The following CABLES1 variants were observed in gnomAD, a reference collection of about 807,000 sequenced individuals.
CABLES1 encodes CDK5 and ABL1 enzyme substrate 1.
In CABLES1, 36 loss-of-function variants were observed where a neutral mutation model predicts 57.8. That is an observed-to-expected ratio of 0.62 (90% CI 0.48 to 0.82). The LOEUF (loss-of-function observed/expected upper bound fraction) is 0.82. CABLES1 is among the 40% of genes least tolerant of loss of function. CABLES1 has a pLI of 0.00. For synonymous variants in CABLES1, 374 were observed against 363.0 expected, an observed-to-expected ratio of 1.03 and a Z score of -0.35; for missense variants, 767 against 836.6, an observed-to-expected ratio of 0.92 and a Z score of 1.03.
At chr18:23,203,679 C>T (rs190285819) in intron 3 of CABLES1, among the ~76,000 whole-genome samples, 17 of 152,222 alleles carry the variant, frequency 1.1e-4, no homozygotes, top group Non-Finnish European at 2.2e-4. Context: ...GTTTGAAAAA[C>T]GACTTGGAGG....
intron 1 of CABLES1, among the ~76,000 whole-genome samples, chr18:23,179,149 T>C (rs1391520742): frequency 1.3e-5 from 2 of 151,922 alleles, no homozygotes; most frequent in Non-Finnish European, 2.9e-5. Context: ...AGTCGGGTAT[T>C]GTGGCGGGTC....
At chr18:23,206,638 C>T (rs1309345038) in intron 3 of CABLES1, among the ~76,000 whole-genome samples, 2 of 152,190 alleles carry the variant, frequency 1.3e-5, no homozygotes, top group African/African-American at 4.8e-5. Context: ...AATCTAAGTG[C>T]AAAATCTGTT....
At chr18:23,168,615 T>C (rs2047059916) in intron 1 of CABLES1, among the ~76,000 whole-genome samples, 1 of 152,216 alleles carries the variant, frequency 6.6e-6, no homozygotes, top group African/African-American at 2.4e-5. Context: ...ATTTATGCTA[T>C]GTATCTTTTA....
At position 23,188,000 on chromosome 18, in the gene CABLES1, G is replaced by A. The variant is rs114832483; in HGVS notation, c.846-838G>A. Among the ~76,000 whole-genome samples, 1,419 of 152,240 alleles carry A rather than the reference G, an allele frequency of 9.3e-3. 20 individuals carry two copies. Among genetic ancestry groups the A allele is most frequent in the African/African-American group, 0.033 (1,360 of 41,546 alleles). On this transcript the variant is annotated intron_variant, in intron 1 of 9. Transcript: ENST00000256925. ...GACTTATCTTAATATTTTTAGTTCCGTTTTAAGGAACAACCCAAACTTTTT... is the reference window on the plus strand; with the variant it reads ...GACTTATCTTAATATTTTTAGTTCCATTTTAAGGAACAACCCAAACTTTTT...
chr18:23,253,691 T>TA lies in CABLES1; in HGVS notation c.1554-38_1554-37insA, dbSNP rs775246349. 8 of 1,573,748 alleles carry TA rather than the reference T, an allele frequency of 5.1e-6. 1 individual carries two copies. In the South Asian group the frequency reaches 9.1e-5, roughly 18 times the overall value. On this transcript the variant is annotated intron_variant, in intron 8 of 9. Transcript: ENST00000256925. ...TTTTCTGTCCACTGAAACTCTAAGT[T>TA]TTCACAAGACTGTTCCCTCTTGCCT...
intron 7 of CABLES1, among the ~76,000 whole-genome samples, chr18:23,251,150 T>G (rs952864022): frequency 6.6e-6 from 1 of 152,182 alleles, no homozygotes; most frequent in East Asian, 1.9e-4. Context: ...GAGCTTTGAC[T>G]GATTAAGATT....
intron 1 of CABLES1, among the ~76,000 whole-genome samples, chr18:23,151,616 A>G (rs2046931327): frequency 6.6e-6 from 1 of 152,098 alleles, no homozygotes; most frequent in South Asian, 2.1e-4. Flanking sequence ...GCCTGGGGTG[A>G]GTCACAGAGC....
At chr18:23,233,621 G>A (rs769653721) in intron 4 of CABLES1, among the ~76,000 whole-genome samples, 1 of 152,288 alleles carries the variant, frequency 6.6e-6, no homozygotes. Flanking sequence ...GCCAAGACGG[G>A]AGGATGGCTT....
chr18:23,205,067 C>A (rs531859645), intron 3 of CABLES1, among the ~76,000 whole-genome samples: 1 of 151,804 alleles, frequency 6.6e-6, no homozygotes, highest in Non-Finnish European at 1.5e-5. Context: ...GAGAAGAAAA[C>A]AGTAATTATA....
At chr18:23,247,444 C>T (rs543027670) in intron 7 of CABLES1, among the ~76,000 whole-genome samples, 25 of 152,322 alleles carry the variant, frequency 1.6e-4, no homozygotes, top group African/African-American at 6.0e-4. Context: ...TGTGCTGGGC[C>T]CCTTCCAAGC....
chr18:23,154,349 T>C (rs1598801585), intron 1 of CABLES1, among the ~76,000 whole-genome samples: 1 of 152,200 alleles, frequency 6.6e-6, no homozygotes, highest in South Asian at 2.1e-4. Flanking sequence ...GCAGCAGTTA[T>C]GTCTTTCTCC....
intron 9 of CABLES1, among the ~76,000 whole-genome samples, chr18:23,254,887 A>AT (rs1196284406): frequency 6.6e-6 from 1 of 152,184 alleles, no homozygotes; most frequent in Non-Finnish European, 1.5e-5. Flanking sequence ...GGACACAAAC[A>AT]TTCAGCCCAT....
chr18:23,256,094 A>G (rs1029228576), intron 9 of CABLES1, among the ~76,000 whole-genome samples: 1 of 152,204 alleles, frequency 6.6e-6, no homozygotes, highest in Non-Finnish European at 1.5e-5. Context: ...TACGGTAGCA[A>G]GAAACCTAAC....
intron 1 of CABLES1, among the ~76,000 whole-genome samples, chr18:23,181,496 CAAAAA>C (rs59742943): frequency 0.091 from 3,182 of 34,980 alleles, 56 homozygotes; most frequent in Admixed American, 0.29. Flanking sequence ...AGCTTCGTCT[CAAAAA>C]AAAAAAAAAA....
At chr18:23,182,908 C>T (rs2047177487) in intron 1 of CABLES1, among the ~76,000 whole-genome samples, 1 of 152,234 alleles carries the variant, frequency 6.6e-6, no homozygotes, top group Non-Finnish European at 1.5e-5. Flanking sequence ...GCGCTTTCTT[C>T]AGGGCACTCT....
chr18:23,230,819 A>G (rs541500956), intron 4 of CABLES1, among the ~76,000 whole-genome samples: 1 of 152,296 alleles, frequency 6.6e-6, no homozygotes, highest in East Asian at 1.9e-4. Flanking sequence ...TGTAATGCCT[A>G]GGATTTGGGG....
chr18:23,142,481 A>G (rs1207724005), intron 1 of CABLES1, among the ~76,000 whole-genome samples: 1 of 152,190 alleles, frequency 6.6e-6, no homozygotes, highest in Non-Finnish European at 1.5e-5. Context: ...ACTGTTGTAC[A>G]TGTTGATATC....
At chr18:23,155,159 A>C (rs2046957518) in intron 1 of CABLES1, among the ~76,000 whole-genome samples, 1 of 152,240 alleles carries the variant, frequency 6.6e-6, no homozygotes, top group Non-Finnish European at 1.5e-5. Flanking sequence ...GTTATGCGTA[A>C]CTTCAGTTCT....
At chr18:23,210,703 T>C (rs1477407540) in intron 3 of CABLES1, among the ~76,000 whole-genome samples, 1 of 152,216 alleles carries the variant, frequency 6.6e-6, no homozygotes, top group Non-Finnish European at 1.5e-5. Context: ...TTGCCTGCTG[T>C]GGTTCACGCC....
Sources: gnomAD v4.1 joint callset for allele counts (sites outside exome capture counted in the v4.1 genomes callset) on GRCh38, gnomAD v4.1.1 for gene constraint, MANE v1.5 for transcripts, NCBI Gene and HGNC (gene_info 2026-07-23, HGNC 2026-07-21) for gene names.